CFAP299: variants seen among roughly 807,000 people sequenced by gnomAD.
The protein encoded by CFAP299 is cilia and flagella associated protein 299.
A neutral mutation model predicts 27.0 loss-of-function variants in CFAP299; 21 were observed. That is an observed-to-expected ratio of 0.78 (90% CI 0.55 to 1.12). The LOEUF is 1.12. Ranked by LOEUF, CFAP299 falls within the 50% of genes most tolerant of loss-of-function variation. The pLI is 0.00. For synonymous variants in CFAP299, 104 were observed against 98.1 expected, an observed-to-expected ratio of 1.06 and a Z score of -0.36; for missense variants, 310 against 276.6, an observed-to-expected ratio of 1.12 and a Z score of -0.86.
chr4:80,349,800 T>C (rs1722931945), intron 1 of CFAP299, among the ~76,000 whole-genome samples: 2 of 152,234 alleles, frequency 1.3e-5, no homozygotes, highest in African/African-American at 4.8e-5. Flanking sequence ...AACACTTGAA[T>C]GGTTAGCATT....
At chr4:80,816,248 G>A (rs1377871484) in intron 3 of CFAP299, among the ~76,000 whole-genome samples, 1 of 152,062 alleles carries the variant, frequency 6.6e-6, no homozygotes, top group African/African-American at 2.4e-5. Context: ...GGTTATGGAT[G>A]AGATTCTTCC....
chr4:80,379,354 A>T (rs960043272), intron 2 of CFAP299, among the ~76,000 whole-genome samples: 1 of 151,922 alleles, frequency 6.6e-6, no homozygotes, highest in Non-Finnish European at 1.5e-5. Context: ...CCAGCTTTTT[A>T]ACATGAATTG....
intron 2 of CFAP299, among the ~76,000 whole-genome samples, chr4:80,559,209 G>T (rs953654999): frequency 2.6e-5 from 4 of 152,086 alleles, no homozygotes; most frequent in Admixed American, 6.5e-5. Context: ...TAGCTAGTTT[G>T]GGTTTTCATA....
chr4:80,607,950 A>T (rs1737763781), intron 3 of CFAP299, among the ~76,000 whole-genome samples: 1 of 152,186 alleles, frequency 6.6e-6, no homozygotes, highest in African/African-American at 2.4e-5. Flanking sequence ...TATTGTAACA[A>T]TGTGAAGGTT....
chr4:80,761,940 A>G (rs1725562155), intron 3 of CFAP299, among the ~76,000 whole-genome samples: 1 of 152,026 alleles, frequency 6.6e-6, no homozygotes, highest in Non-Finnish European at 1.5e-5. Context: ...TAGTACAGAA[A>G]TAGACAAGCA....
intron 2 of CFAP299, among the ~76,000 whole-genome samples, chr4:80,581,358 T>C (rs954161780): frequency 1.3e-5 from 2 of 150,466 alleles, no homozygotes; most frequent in Non-Finnish European, 3.0e-5. Flanking sequence ...AATTCTCAAA[T>C]ATCTGATTCT....
rs556020012 is a variant in CFAP299 at position 80,878,828 on chromosome 4, T to C, written c.476+8693T>C. Among the ~76,000 whole-genome samples, 117 of 152,226 alleles carry C rather than the reference T, an allele frequency of 7.7e-4. No homozygotes were observed. In the Middle Eastern group the frequency reaches 0.014, roughly 18 times the overall value. On this transcript the variant is annotated intron_variant, in intron 4 of 5. Transcript: ENST00000358105. ...TGTAGAAATAAGCTATGCACCAAAA[T>C]TAAATTGTTTATTGTTTAGAACTCA...
At chr4:80,713,063 A>G (rs1413411502) in intron 3 of CFAP299, among the ~76,000 whole-genome samples, 1 of 152,132 alleles carries the variant, frequency 6.6e-6, no homozygotes, top group Admixed American at 6.6e-5. Context: ...TGATGTAAAA[A>G]CTAACCATTC....
rs187873910 is a variant in CFAP299 at position 80,720,175 on chromosome 4, G to A, written c.333+136992G>A. Among the ~76,000 whole-genome samples the A allele has an allele frequency of 8.5e-5, 13 of 152,170 alleles. No homozygotes were observed. In the South Asian group the frequency reaches 2.3e-3, roughly 27 times the overall value. Reference sequence around the variant, plus strand: ...GAGTGAACGTCACAGACAAAAAGCAGCAGAGATCTAAAGAGGACCCCCCCT... The same window carrying A: ...GAGTGAACGTCACAGACAAAAAGCAACAGAGATCTAAAGAGGACCCCCCCT... On this transcript the variant is annotated intron_variant, in intron 3 of 5. Coordinates refer to ENST00000358105, the MANE Select transcript of CFAP299 (RefSeq NM_152770.3).
At chr4:80,757,715 GT>G (rs1725317049) in intron 3 of CFAP299, among the ~76,000 whole-genome samples, 1 of 150,608 alleles carries the variant, frequency 6.6e-6, no homozygotes, top group African/African-American at 2.5e-5. Context: ...TTGTTTGTTT[GT>G]TTGTTTGTTT....
intron 3 of CFAP299, among the ~76,000 whole-genome samples, chr4:80,740,533 G>A (rs578198899): frequency 6.6e-6 from 1 of 152,252 alleles, no homozygotes; most frequent in African/African-American, 2.4e-5. Flanking sequence ...CAAGTACCCT[G>A]TGGCCATCAC....
intron 3 of CFAP299, among the ~76,000 whole-genome samples, chr4:80,722,849 C>T (rs983693900): frequency 1.3e-5 from 2 of 151,786 alleles, no homozygotes; most frequent in East Asian, 1.9e-4. Flanking sequence ...TGCAGTGAGC[C>T]GAGATCATGC....
intron 3 of CFAP299, among the ~76,000 whole-genome samples, chr4:80,675,003 A>C (rs1258040784): frequency 6.6e-6 from 1 of 151,990 alleles, no homozygotes; most frequent in African/African-American, 2.4e-5. Flanking sequence ...GTTATTACCG[A>C]CCTTCTGAAG....
chr4:80,895,783 C>T (rs907971438), intron 4 of CFAP299, among the ~76,000 whole-genome samples: 1 of 151,878 alleles, frequency 6.6e-6, no homozygotes, highest in Admixed American at 6.6e-5. Flanking sequence ...CTGTGGAAGG[C>T]AGTGGTAAGG....
intron 2 of CFAP299, among the ~76,000 whole-genome samples, chr4:80,456,150 A>G (rs1251617247): frequency 6.6e-6 from 1 of 152,156 alleles, no homozygotes; most frequent in Non-Finnish European, 1.5e-5. Context: ...GGAAAAGCCA[A>G]ACCCCATGCT....
chr4:80,778,663 C>A (rs549324922), intron 3 of CFAP299, among the ~76,000 whole-genome samples: 4 of 152,152 alleles, frequency 2.6e-5, no homozygotes, highest in African/African-American at 9.6e-5. Context: ...CAATGCACTG[C>A]AACATAGCCA....
intron 2 of CFAP299, among the ~76,000 whole-genome samples, chr4:80,493,162 T>G (rs190860250): frequency 3.7e-4 from 57 of 152,362 alleles, no homozygotes; most frequent in Non-Finnish European, 6.0e-4. Flanking sequence ...CCTCTTTAAC[T>G]GCACATATTA....
intron 3 of CFAP299, among the ~76,000 whole-genome samples, chr4:80,771,180 A>G (rs1029682052): frequency 6.6e-6 from 1 of 152,128 alleles, no homozygotes; most frequent in East Asian, 1.9e-4. Flanking sequence ...CCTTTACTCC[A>G]AAGCCTCTTC....
At chr4:80,880,432 C>T (rs72865168) in intron 4 of CFAP299, among the ~76,000 whole-genome samples, 5,197 of 152,056 alleles carry the variant, frequency 0.034, 203 homozygotes, top group African/African-American at 0.097. Flanking sequence ...ATTCAGAATG[C>T]GGTTAAGAAA....
Sources: allele counts gnomAD v4.1 joint callset (sites outside exome capture counted in the v4.1 genomes callset), GRCh38; gene constraint gnomAD v4.1.1; transcripts MANE v1.5; gene names NCBI Gene and HGNC (gene_info 2026-07-23, HGNC 2026-07-21).